Variants in DIP2B observed in about 807,000 individuals in gnomAD.
DIP2B encodes the protein disco-interacting protein 2 homolog B.
Under a neutral mutation model 198.0 loss-of-function variants are expected in DIP2B, and 76 were observed. The observed-to-expected ratio is 0.38, with a 90% confidence interval of 0.32 to 0.46. The LOEUF is 0.46. Ranked by LOEUF, DIP2B falls within the 20% of genes least tolerant of loss-of-function variation. The pLI, the probability that DIP2B is intolerant of heterozygous loss-of-function variation, is 0.99. For synonymous variants in DIP2B, 701 were observed against 739.1 expected (o/e 0.95, Z 0.84); for missense variants, 1,559 against 1,978.4 (o/e 0.79, Z 4.02).
chr12:50,632,872 A>G (rs954450306), intron 2 of DIP2B, among the ~76,000 whole-genome samples: 5 of 152,120 alleles, frequency 3.3e-5, no homozygotes, highest in African/African-American at 1.2e-4. Context: ...AGTTAATACT[A>G]CAACATTTTA....
chr12:50,525,194 A>G (rs1958151786), intron 1 of DIP2B, among the ~76,000 whole-genome samples: 1 of 151,974 alleles, frequency 6.6e-6, no homozygotes, highest in African/African-American at 2.4e-5. Flanking sequence ...CATCTCTACT[A>G]AAAATACAAA....
intron 1 of DIP2B, among the ~76,000 whole-genome samples, chr12:50,609,779 C>G (rs775734900): frequency 6.6e-6 from 1 of 152,216 alleles, no homozygotes; most frequent in Non-Finnish European, 1.5e-5. Context: ...GACCACTTAT[C>G]TCTCTTCAAA....
At chr12:50,572,988 G>GA (rs1958627994) in intron 1 of DIP2B, among the ~76,000 whole-genome samples, 1 of 152,186 alleles carries the variant, frequency 6.6e-6, no homozygotes, top group African/African-American at 2.4e-5. Context: ...TTAAAACAGA[G>GA]AACACTCTTG....
At chr12:50,618,306 C>T (rs929113186) in intron 1 of DIP2B, among the ~76,000 whole-genome samples, 4 of 152,132 alleles carry the variant, frequency 2.6e-5, no homozygotes, top group Non-Finnish European at 4.4e-5. Flanking sequence ...CTGAGGATTT[C>T]GTGGTGAGGC....
intron 1 of DIP2B, among the ~76,000 whole-genome samples, chr12:50,573,327 A>C (rs920828485): frequency 2.0e-5 from 3 of 152,204 alleles, no homozygotes; most frequent in Non-Finnish European, 2.9e-5. Flanking sequence ...AATAAGATTG[A>C]GTATCGATCA....
chr12:50,714,633 C>G, intron 23 of DIP2B, 37 bp downstream of exon 23: 1 of 1,610,548 alleles, frequency 6.2e-7, no homozygotes, highest in Non-Finnish European at 8.5e-7. Flanking sequence ...CACTAAAATT[C>G]CAACTTCAAG....
chr12:50,600,561 T>C (rs1226387272), intron 1 of DIP2B, among the ~76,000 whole-genome samples: 3 of 152,144 alleles, frequency 2.0e-5, no homozygotes, highest in African/African-American at 7.2e-5. Context: ...TTTCCCCCTG[T>C]TGGACAGCTC....
intron 1 of DIP2B, among the ~76,000 whole-genome samples, chr12:50,529,222 A>G (rs994301599): frequency 6.6e-6 from 1 of 152,122 alleles, no homozygotes; most frequent in Non-Finnish European, 1.5e-5. Context: ...ACTCAGGGAG[A>G]TGGAGGCTCC....
At chr12:50,591,385 C>A (rs1448646157) in intron 1 of DIP2B, among the ~76,000 whole-genome samples, 1 of 151,258 alleles carries the variant, frequency 6.6e-6, no homozygotes, top group Non-Finnish European at 1.5e-5. Context: ...CTAATCTTTT[C>A]CCCATTGTAT....
rs750260880 is a variant in DIP2B at position 50,739,411 on chromosome 12, T to G, written c.4179T>G (p.Ile1393Met). Residue 1393 changes from isoleucine to methionine, a missense_variant and splice_region_variant, in exon 36 of 38, where the codon ATT becomes ATG. Ile to Met is a conservative substitution (Grantham distance 10). Transcript: ENST00000301180. Reference protein sequence around the residue: ...GPVGDSHLGEIWVNSPHTASG... With the variant: ...GPVGDSHLGEMWVNSPHTASG... ...TGATCAAAGCACTTTTCTTGTAGAT[T>G]TGGGTGAACAGTCCCCATACAGCCA... The G allele has an allele frequency of 7.5e-6, 12 of 1,603,630 alleles. No individual in the cohort carries two copies. In the Admixed American group the frequency reaches 2.0e-4, roughly 27 times the overall value.
At chr12:50,648,874 C>T (rs1017615238) in intron 3 of DIP2B, among the ~76,000 whole-genome samples, 2 of 151,988 alleles carry the variant, frequency 1.3e-5, no homozygotes, top group African/African-American at 4.8e-5. Flanking sequence ...CTAGAAAACT[C>T]GAGAGAATCA....
At chr12:50,721,966 G>A (rs1258193145) in intron 26 of DIP2B, among the ~76,000 whole-genome samples, 1 of 152,102 alleles carries the variant, frequency 6.6e-6, no homozygotes, top group African/African-American at 2.4e-5. Flanking sequence ...TGTTGTTGAA[G>A]GGGTGTGAGT....
chr12:50,734,926 G>A, intron 33 of DIP2B, 147 bp from the exon 34 acceptor site: 1 of 939,588 alleles, frequency 1.1e-6, no homozygotes, highest in Non-Finnish European at 1.6e-6. Flanking sequence ...TGGCCAAAAT[G>A]TTAGTAGTGC....
intron 1 of DIP2B, among the ~76,000 whole-genome samples, chr12:50,541,120 A>G (rs1464755386): frequency 6.6e-6 from 1 of 152,192 alleles, no homozygotes; most frequent in Non-Finnish European, 1.5e-5. Flanking sequence ...ATTTGCATTA[A>G]TAAATGTAGA....
chr12:50,633,327 G>A (rs560511589), intron 2 of DIP2B: 1 of 152,260 alleles, frequency 6.6e-6, no homozygotes, highest in South Asian at 2.1e-4. Context: ...AGATTAGTAT[G>A]GCCCCTGTGC....
chr12:50,664,391 T>G (rs548925578), intron 4 of DIP2B, among the ~76,000 whole-genome samples: 2 of 152,226 alleles, frequency 1.3e-5, no homozygotes, highest in Non-Finnish European at 2.9e-5. Flanking sequence ...AAAATTTAAA[T>G]TCTCTAAATT....
intron 4 of DIP2B, among the ~76,000 whole-genome samples, chr12:50,667,195 C>T (rs1199343168): frequency 2.0e-5 from 3 of 152,148 alleles, no homozygotes; most frequent in African/African-American, 7.2e-5. Flanking sequence ...TATATGTTTA[C>T]TAATTGGTTA....
At chr12:50,670,281 A>G (rs7309964) in intron 4 of DIP2B, among the ~76,000 whole-genome samples, 31,527 of 151,918 alleles carry the variant, frequency 0.21, 3,983 homozygotes, top group Non-Finnish European at 0.29. Context: ...TTCTCCTGTC[A>G]TGCTTGGAAA....
chr12:50,735,381 G>A (rs1187602628), intron 34 of DIP2B, among the ~76,000 whole-genome samples: 1 of 151,984 alleles, frequency 6.6e-6, no homozygotes, highest in Non-Finnish European at 1.5e-5. Context: ...TGACAGACCA[G>A]CAAAATGCAG....
Sources: allele counts gnomAD v4.1 joint callset (sites outside exome capture counted in the v4.1 genomes callset), GRCh38; gene constraint gnomAD v4.1.1; transcripts MANE v1.5; gene names NCBI Gene and HGNC (gene_info 2026-07-23, HGNC 2026-07-21).